The following MAPK12 variants were observed in gnomAD, a reference collection of about 807,000 sequenced individuals.
MAPK12 encodes MAP kinase 12.
MAPK12 carries 49 observed loss-of-function variants against 49.1 expected under a neutral mutation model. The ratio of observed to expected loss-of-function variants is 1.00; its 90% CI spans 0.79 to 1.27. The LOEUF is 1.27. Ranked by LOEUF, MAPK12 falls within the 50% of genes most tolerant of loss-of-function variation. MAPK12 has a pLI of 0.00. For synonymous variants in MAPK12, 251 were observed against 209.7 expected, an observed-to-expected ratio of 1.20 and a Z score of -1.70; for missense variants, 554 against 502.4, an observed-to-expected ratio of 1.10 and a Z score of -0.98.
intron 2 of MAPK12, among the ~76,000 whole-genome samples, chr22:50,259,941 G>A (rs1319721287): frequency 4.7e-5 from 7 of 150,104 alleles, no homozygotes; most frequent in African/African-American, 1.7e-4. Flanking sequence ...GGCAAGGCAC[G>A]GGTGGGTGAG....
In MAPK12 at chr22:50,258,250, T is replaced by C. The variant is rs2065172883; in HGVS notation, c.307A>G (p.Thr103Ala). The change falls in exon 3 of 12, where the codon ACG becomes GCG. Residue 103 changes from threonine (T) to alanine (A), a missense_variant. Transcript: ENST00000215659. ...GCCCAGGTCGGCACTCACAAGTCCG[T>C]GAAGTCATCCAGGGTCTCATCAGGA... ...FTPDETLDDF[T>A]DFYLVMPFMG... 1 of 1,613,114 alleles carries C rather than the reference T, an allele frequency of 6.2e-7. No individual in the cohort carries two copies. The highest frequency in any genetic ancestry group is 2.2e-5 in the East Asian group (1 of 44,878).
In MAPK12 at chr22:50,253,154, C is replaced by T; in HGVS notation, c.*247G>A. On this transcript the variant is annotated 3_prime_UTR_variant, in exon 12 of 12. Transcript: ENST00000215659. ...AGAGCACCGGGCAAGTGGGCCACTG[C>T]TCCAGGGATCAGAGGCCATCCCCAG... is the stretch of plus-strand genomic sequence containing the variant. 1.8e-6 allele frequency: 1 copy of T among 543,688 alleles called. No homozygotes were observed. 33.7% of individuals were successfully genotyped at this position (543,688 alleles called of 1,614,324 possible).
chr22:50,256,651 G>C lies in MAPK12; in HGVS notation c.457-5C>G. ...CAGGTTGCCGGGCTTCAGGTCCTGGGGGCAGAGGAAAGGTGGCCACTGTGC... is the reference window on the plus strand; with the variant it reads ...CAGGTTGCCGGGCTTCAGGTCCTGGCGGCAGAGGAAAGGTGGCCACTGTGC... On this transcript the variant is annotated splice_polypyrimidine_tract_variant and splice_region_variant and intron_variant, in intron 5 of 11. Transcript: ENST00000215659. 1 of 1,610,194 alleles carries C rather than the reference G, an allele frequency of 6.2e-7. No homozygotes were observed. Among genetic ancestry groups the C allele is most frequent in the Non-Finnish European group, 8.5e-7 (1 of 1,178,324 alleles).
intron 6 of MAPK12, 24 bp from the exon 7 acceptor site, chr22:50,256,223 G>C (rs747720045): frequency 1.9e-6 from 3 of 1,571,066 alleles, no homozygotes; most frequent in Non-Finnish European, 2.6e-6. Flanking sequence ...TGGGGAGGTG[G>C]GTTCTAGGGG....
In MAPK12 at chr22:50,259,551, A is replaced by G. The variant is rs373498220; in HGVS notation, c.256-1250T>C. Among the ~76,000 whole-genome samples, 14 of 152,272 alleles carry G rather than the reference A, an allele frequency of 9.2e-5. No individual in the cohort carries two copies. In the South Asian group the frequency reaches 2.9e-3, roughly 32 times the overall value. On this transcript the variant is annotated intron_variant, in intron 2 of 11. Coordinates refer to ENST00000215659, the MANE Select transcript of MAPK12 (RefSeq NM_002969.6). Reference sequence around the variant, plus strand: ...GCCCAGGGGGTGGGCCCACAGGCACAGCGGAGATCCCAGCACAGCGGGGCG... The same window carrying G: ...GCCCAGGGGGTGGGCCCACAGGCACGGCGGAGATCCCAGCACAGCGGGGCG...
rs1242762071 is a variant in MAPK12 at position 50,261,296 on chromosome 22, G to A, written c.126C>T (p.Cys42=). 6.9e-7 allele frequency: 1 copy of A among 1,459,224 alleles called. No individual in the cohort carries two copies. Among genetic ancestry groups the A allele is most frequent in the East Asian group, 3.0e-5 (1 of 32,982 alleles). 90.4% of individuals were successfully genotyped at this position (1,459,224 alleles called of 1,614,324 possible). A position where few individuals can be genotyped will look rare whatever the true frequency, so the allele number is the denominator to read the frequency against. The stretch of plus-strand genomic sequence containing the variant: ...CGCCGGTGCGGCCGTCCACGGCCGA[G>A]CTGCGGGGCGGACCGCTTAGCGGGA... ...PVGSGAYGAV[C]SAVDGRTGAK... is the part of the protein sequence containing the mutation. Residue 42 remains cysteine, a splice_region_variant and synonymous_variant, in exon 2 of 12, where the codon TGC becomes TGT. Transcript: ENST00000215659.
rs1208247995 is a variant in MAPK12, at chr22:50,261,251, C to G, written c.171G>C (p.Lys57Asn). Residue 57 changes from lysine to asparagine, a missense_variant, in exon 2 of 12, where the codon AAG (lysine) becomes AAC (asparagine). By Grantham distance (94) the Lys-to-Asn change is moderately conservative. Coordinates refer to ENST00000215659, the MANE Select transcript of MAPK12 (RefSeq NM_002969.6). Reference protein sequence around the residue: ...GRTGAKVAIKKLYRPFQSELF... With the variant: ...GRTGAKVAIKNLYRPFQSELF... ...GCTCGGACTGGAAAGGCCGATACAG[C>G]TTCTTGATGGCCACCTTAGCGCCGG... 1.9e-6 allele frequency: 3 copies of G among 1,569,126 alleles called. No homozygotes were observed. The highest frequency in any genetic ancestry group is 2.6e-6 in the Non-Finnish European group (3 of 1,159,514).
intron 4 of MAPK12, 55 bp from the exon 5 acceptor site, chr22:50,257,019 G>T (rs538980290): frequency 6.2e-7 from 1 of 1,601,492 alleles, no homozygotes; most frequent in South Asian, 1.1e-5. Context: ...GAGCCACAGG[G>T]CCCTCCTCTG....
chr22:50,257,407 C>T (rs558011276), intron 3 of MAPK12, among the ~76,000 whole-genome samples: 3 of 152,320 alleles, frequency 2.0e-5, no homozygotes, highest in Admixed American at 6.5e-5. Context: ...CTGCCAGCAG[C>T]GCTCACACCC....
At chr22:50,257,960 T>C (rs1201767322) in intron 3 of MAPK12, 2 of 768,792 alleles carry the variant, frequency 2.6e-6, no homozygotes, top group Admixed American at 1.7e-5. Flanking sequence ...TAACAAATGG[T>C]CAGGTCCAAG....
In MAPK12 at chr22:50,255,492, T is replaced by C. The variant is rs769472123; in HGVS notation, c.811A>G (p.Lys271Glu). 2 of 1,613,012 alleles carry C rather than the reference T, an allele frequency of 1.2e-6. No individual in the cohort carries two copies. Among genetic ancestry groups the C allele is most frequent in the Non-Finnish European group, 1.7e-6 (2 of 1,180,002 alleles). Residue 271 changes from lysine to glutamate, a missense_variant, in exon 10 of 12, where the codon AAG becomes GAG. Coordinates refer to ENST00000215659, the MANE Select transcript of MAPK12 (RefSeq NM_002969.6). ...YMKGLPELEK[K>E]DFASILTNAS... ...TTGGTCAGGATAGAGGCAAAATCCT[T>C]CTTCTCCAATTCGGGGAGGCCCTTC...
rs761065428 is a variant in MAPK12 at position 50,255,894 on chromosome 22, C to T, written c.620-13G>A. ...GACCAGATGTCCACTGAGATAGAAGCCCTGGTCAGCTCCGTGGGCAGGGGG... is the reference window on the plus strand; with the variant it reads ...GACCAGATGTCCACTGAGATAGAAGTCCTGGTCAGCTCCGTGGGCAGGGGG... On this transcript the variant is annotated splice_polypyrimidine_tract_variant and intron_variant, in intron 7 of 11. Coordinates refer to ENST00000215659, the MANE Select transcript of MAPK12 (RefSeq NM_002969.6). The T allele has an allele frequency of 1.2e-6, 2 of 1,611,488 alleles. No individual in the cohort carries two copies. The highest frequency in any genetic ancestry group is 1.3e-5 in the African/African-American group (1 of 75,032).
At position 50,258,277 on chromosome 22, in the gene MAPK12, T is replaced by C. The variant is rs1398562853; in HGVS notation, c.280A>G (p.Thr94Ala). The C allele has an allele frequency of 6.2e-7, 1 of 1,612,796 alleles. No individual in the cohort carries two copies. The highest frequency in any genetic ancestry group is 2.2e-5 in the East Asian group (1 of 44,868). ...AAGTCATCCAGGGTCTCATCAGGAG[T>C]GAATACGTCCAGCAGCCCGATCACC... ...ENVIGLLDVF[T>A]PDETLDDFTD... is the part of the protein sequence containing the mutation. The change falls in exon 3 of 12, where the codon ACT (threonine) becomes GCT (alanine). Residue 94 changes from threonine to alanine, a missense_variant. By Grantham distance (58) the Thr-to-Ala change is moderately conservative (BLOSUM62 0). Transcript: ENST00000215659.
chr22:50,258,392 C>T, intron 2 of MAPK12, 91 bp from the exon 3 acceptor site: 1 of 1,080,536 alleles, frequency 9.3e-7, no homozygotes, highest in East Asian at 2.4e-5. Flanking sequence ...CAGGAAACCC[C>T]CTCTGCAGCT....
rs778829977 is a variant in MAPK12, at chr22:50,256,117, A to T, written c.587T>A (p.Val196Asp). 1 of 1,612,496 alleles carries T rather than the reference A, an allele frequency of 6.2e-7. No individual in the cohort carries two copies. Among genetic ancestry groups the T allele is most frequent in the East Asian group, 2.2e-5 (1 of 44,866 alleles). The change falls in exon 7 of 12, where the codon GTC becomes GAC. Residue 196 changes from valine (V) to aspartate (D), a missense_variant. By Grantham distance (152) the Val-to-Asp change is radical (BLOSUM62 -3). Transcript: ENST00000215659. ...VVTRWYRAPEVILNWMRYTQT... is the reference protein window; with the variant it reads ...VVTRWYRAPEDILNWMRYTQT... ...CGTGTAGCGCATCCAATTCAAGATG[A>T]CCTCGGGAGCCCGGTACCACCGGGT... is the stretch of plus-strand genomic sequence containing the variant.
Position 50,261,415 on chromosome 22 carries a change from G to T in MAPK12, c.95C>A (p.Pro32His). 8.0e-7 allele frequency: 1 copy of T among 1,242,598 alleles called. No homozygotes were observed. Among genetic ancestry groups the T allele is most frequent in the Non-Finnish European group, 1.0e-6 (1 of 970,336 alleles). 77.0% of individuals were successfully genotyped at this position (1,242,598 alleles called of 1,614,324 possible). ...EVRAVYRDLQ[P>H]VGSGAYGAVC... ...CGCGCCGTAGGCGCCCGAGCCCACG[G>T]GCTGCAGGTCCCGGTACACGGCGCG... The change falls in exon 1 of 12, where the codon CCC becomes CAC. Residue 32 changes from proline (P) to histidine (H), a missense_variant. By Grantham distance (77) the Pro-to-His change is moderately conservative. Transcript: ENST00000215659.
intron 11 of MAPK12, 163 bp from the exon 12 acceptor site, chr22:50,253,643 C>A: frequency 1.6e-6 from 1 of 607,508 alleles, no homozygotes; most frequent in Admixed American, 2.7e-5. Context: ...GAGGCCATTG[C>A]TCTAGATCTG....
chr22:50,259,975 G>A (rs914162837), intron 2 of MAPK12, among the ~76,000 whole-genome samples: 4 of 147,320 alleles, frequency 2.7e-5, no homozygotes, highest in Non-Finnish European at 6.0e-5. Context: ...GCAGGGGGCC[G>A]TGGGGAAGGC....
intron 2 of MAPK12, among the ~76,000 whole-genome samples, chr22:50,258,716 G>A (rs1402994106): frequency 7.2e-5 from 11 of 152,310 alleles, no homozygotes; most frequent in East Asian, 3.9e-4. Context: ...AGGCCCAGGC[G>A]GACAGCACCG....
Sources: gnomAD v4.1 joint callset for allele counts (sites outside exome capture counted in the v4.1 genomes callset) on GRCh38, gnomAD v4.1.1 for gene constraint, MANE v1.5 for transcripts, NCBI Gene and HGNC (gene_info 2026-07-23, HGNC 2026-07-21) for gene names.